The following GALNT14 variants were observed in gnomAD, a reference collection of about 807,000 sequenced individuals.
The protein encoded by GALNT14 is UDP-GalNAc:polypeptide N-acetylgalactosaminyltransferase 14.
A neutral mutation model predicts 77.5 loss-of-function variants in GALNT14; 60 were observed. That is an observed-to-expected ratio of 0.77 (90% CI 0.63 to 0.96). The LOEUF is 0.96. GALNT14 is among the 40% of genes least tolerant of loss of function. The pLI, the probability that GALNT14 is intolerant of heterozygous loss-of-function variation, is 0.00. For synonymous variants in GALNT14, 280 were observed against 281.7 expected, an observed-to-expected ratio of 0.99 and a Z score of 0.06; for missense variants, 710 against 731.0, an observed-to-expected ratio of 0.97 and a Z score of 0.33.
At chr2:31,045,999 C>T (rs1433732709) in intron 1 of GALNT14, among the ~76,000 whole-genome samples, 1 of 152,096 alleles carries the variant, frequency 6.6e-6, no homozygotes, top group African/African-American at 2.4e-5. Flanking sequence ...AGAGTAACAA[C>T]AACAATAATA....
chr2:31,119,131 G>A (rs867347518), intron 1 of GALNT14, among the ~76,000 whole-genome samples: 4 of 152,106 alleles, frequency 2.6e-5, no homozygotes, highest in African/African-American at 7.2e-5. Context: ...TGGAAATTTG[G>A]GATATTCTAT....
At chr2:30,972,527 G>A (rs1048116285) in intron 2 of GALNT14, among the ~76,000 whole-genome samples, 3 of 152,220 alleles carry the variant, frequency 2.0e-5, no homozygotes, top group African/African-American at 7.2e-5. Context: ...CTATGAGGCT[G>A]CTACTGGTTT....
intron 1 of GALNT14, among the ~76,000 whole-genome samples, chr2:31,071,016 C>T (rs1041135399): frequency 5.9e-5 from 9 of 152,288 alleles, no homozygotes; most frequent in African/African-American, 2.2e-4. Context: ...AACCAAATAT[C>T]ATATGTTCTC....
At chr2:30,954,211 C>T (rs145077747) in intron 6 of GALNT14, among the ~76,000 whole-genome samples, 6 of 152,228 alleles carry the variant, frequency 3.9e-5, no homozygotes, top group Non-Finnish European at 8.8e-5. Context: ...CATGGCATGT[C>T]CAGGGACAAG....
At chr2:31,079,051 C>A in intron 1 of GALNT14, 1 of 1,265,596 alleles carries the variant, frequency 7.9e-7, no homozygotes, top group Non-Finnish European at 1.0e-6. Context: ...GTGTCAGCTG[C>A]AAACTGTTTT....
At chr2:31,104,180 C>G (rs1488970719) in intron 1 of GALNT14, among the ~76,000 whole-genome samples, 2 of 152,154 alleles carry the variant, frequency 1.3e-5, no homozygotes, top group African/African-American at 4.8e-5. Flanking sequence ...CTTTCTGTCT[C>G]TCTTTTTATT....
chr2:31,084,106 G>A (rs1676293668), intron 1 of GALNT14, among the ~76,000 whole-genome samples: 1 of 152,218 alleles, frequency 6.6e-6, no homozygotes, highest in African/African-American at 2.4e-5. Context: ...ATGCAGCTCA[G>A]CTAACACATA....
In GALNT14 at chr2:30,945,395, C is replaced by T. The variant is rs72853894; in HGVS notation, c.742+388G>A. On this transcript the variant is annotated intron_variant, in intron 7 of 14. Coordinates refer to ENST00000349752, the MANE Select transcript of GALNT14 (RefSeq NM_024572.4). ...TGTGGAGAGCTGGGGTGGGTCTCCC[C>T]AAACATGCTCCCTTCTCTAAGGTCC... Among the ~76,000 whole-genome samples the T allele has an allele frequency of 6.0e-3, 913 of 152,244 alleles. 11 individuals carry two copies. Among genetic ancestry groups the T allele is most frequent in the African/African-American group, 0.021 (877 of 41,540 alleles).
chr2:31,067,548 G>A (rs1675061230), intron 1 of GALNT14, among the ~76,000 whole-genome samples: 1 of 152,164 alleles, frequency 6.6e-6, no homozygotes, highest in Non-Finnish European at 1.5e-5. Flanking sequence ...TAGGTCTGCT[G>A]TAAAATAGGG....
chr2:31,068,790 T>C (rs1675156753), intron 1 of GALNT14, among the ~76,000 whole-genome samples: 1 of 152,128 alleles, frequency 6.6e-6, no homozygotes, highest in African/African-American at 2.4e-5. Context: ...AGCCAGCATA[T>C]CCATACAATG....
chr2:31,070,567 C>T (rs981822874), intron 1 of GALNT14, among the ~76,000 whole-genome samples: 2 of 152,228 alleles, frequency 1.3e-5, no homozygotes, highest in African/African-American at 4.8e-5. Flanking sequence ...AGCAATTTAT[C>T]GGCGTGCCCA....
chr2:30,893,428 T>C, the GALNT14 span, among the ~76,000 whole-genome samples: 1 of 152,220 alleles, frequency 6.6e-6, no homozygotes, highest in Non-Finnish European at 1.5e-5. Context: ...CAAAAGATTG[T>C]ACAAGAAAGG....
chr2:30,969,016 G>A (rs1668183321), intron 2 of GALNT14, among the ~76,000 whole-genome samples: 1 of 152,154 alleles, frequency 6.6e-6, no homozygotes. Flanking sequence ...GAGCATGGAG[G>A]GGCTTGGAGA....
At chr2:30,895,232 G>T in the GALNT14 span, among the ~76,000 whole-genome samples, 2 of 152,166 alleles carry the variant, frequency 1.3e-5, no homozygotes, top group Non-Finnish European at 2.9e-5. Flanking sequence ...GAGGCAGTGG[G>T]GGGTCCCATT....
At chr2:31,129,814 C>T (rs1183643371) in intron 1 of GALNT14, among the ~76,000 whole-genome samples, 1 of 152,158 alleles carries the variant, frequency 6.6e-6, no homozygotes, top group Non-Finnish European at 1.5e-5. Flanking sequence ...GAAGAAAATC[C>T]TTATTTCCAA....
At chr2:30,996,311 GAA>G (rs1670026919) in intron 1 of GALNT14, among the ~76,000 whole-genome samples, 1 of 152,242 alleles carries the variant, frequency 6.6e-6, no homozygotes, top group Non-Finnish European at 1.5e-5. Context: ...ATGAGTGAAA[GAA>G]AACTCCAGAA....
chr2:31,091,728 C>T (rs1676752931), intron 1 of GALNT14, among the ~76,000 whole-genome samples: 1 of 152,162 alleles, frequency 6.6e-6, no homozygotes, highest in Admixed American at 6.5e-5. Flanking sequence ...TCGCTGTTGC[C>T]TAACAGGGTG....
intron 2 of GALNT14, among the ~76,000 whole-genome samples, chr2:30,968,208 T>C (rs185953320): frequency 3.9e-5 from 6 of 152,282 alleles, no homozygotes; most frequent in African/African-American, 1.2e-4. Flanking sequence ...CAGTTGTCCA[T>C]TGATAGAGAA....
chr2:31,108,030 C>T (rs376158571), intron 1 of GALNT14, among the ~76,000 whole-genome samples: 2 of 152,216 alleles, frequency 1.3e-5, no homozygotes, highest in East Asian at 1.9e-4. Context: ...TACCAATTAG[C>T]TAGCTGTCCT....
Sources: allele counts gnomAD v4.1 joint callset (sites outside exome capture counted in the v4.1 genomes callset), GRCh38; gene constraint gnomAD v4.1.1; transcripts MANE v1.5; gene names NCBI Gene and HGNC (gene_info 2026-07-23, HGNC 2026-07-21).